The following BIRC6 variants were observed in gnomAD, a reference collection of about 807,000 sequenced individuals.
The protein encoded by BIRC6 is dual E2 ubiquitin-conjugating enzyme/E3 ubiquitin-protein ligase BIRC6.
A neutral mutation model predicts 503.3 loss-of-function variants in BIRC6; 98 were observed. The ratio of observed to expected loss-of-function variants is 0.19; its 90% CI spans 0.17 to 0.23. The LOEUF is 0.23. Ranked by LOEUF, BIRC6 falls within the 10% of genes least tolerant of loss-of-function variation. The pLI is 1.00. For synonymous variants in BIRC6, 2,240 were observed against 2,078.7 expected (o/e 1.08, Z -2.11); for missense variants, 5,360 against 5,806.0 (o/e 0.92, Z 2.50).
At chr2:32,476,648 C>A (rs374469709) in intron 34 of BIRC6, among the ~76,000 whole-genome samples, 85 of 152,140 alleles carry the variant, frequency 5.6e-4, no homozygotes, top group African/African-American at 1.6e-3. Context: ...TTTTACAATA[C>A]AAAATTATAC....
chr2:32,415,989 C>T lies in BIRC6; in HGVS notation c.2698C>T (p.Leu900Phe), dbSNP rs765506476. ...EREKTSDIST[L>F]GHLVITTQGG... ...AGAAAAAACGTCTGACATTTCTACT[C>T]TTGGACACCTGGTAATAACCACTCA... Residue 900 changes from leucine (L) to phenylalanine (F), a missense_variant, in exon 10 of 74, where the codon CTT becomes TTT. Around this residue, in one of 16 missense-constraint regions of BIRC6, gnomAD observed 700 missense variants for 739.3 expected, o/e 0.95. Coordinates refer to ENST00000421745, the MANE Select transcript of BIRC6 (RefSeq NM_016252.4). 4 of 1,613,906 alleles carry T rather than the reference C, an allele frequency of 2.5e-6. No homozygotes were observed. The East Asian group carries it at 6.7e-5, about 27-fold the overall frequency.
chr2:32,560,296 A>C (rs983727263), intron 65 of BIRC6, among the ~76,000 whole-genome samples: 1 of 152,106 alleles, frequency 6.6e-6, no homozygotes, highest in African/African-American at 2.4e-5. Context: ...ATAAACACAC[A>C]ATTTTATCTC....
At chr2:32,445,495 A>G in intron 20 of BIRC6, 26 bp from the exon 21 acceptor site, 1 of 1,519,000 alleles carries the variant, frequency 6.6e-7, no homozygotes, top group Non-Finnish European at 8.9e-7. Flanking sequence ...AAAAAGAAAC[A>G]TTTATTTTGT....
intron 1 of BIRC6, among the ~76,000 whole-genome samples, chr2:32,368,725 C>G (rs2035333803): frequency 6.6e-6 from 1 of 152,070 alleles, no homozygotes; most frequent in South Asian, 2.1e-4. Flanking sequence ...GATCTCAGCT[C>G]ACTTCAACGT....
At chr2:32,584,808 G>C (rs1359099124) in intron 66 of BIRC6, among the ~76,000 whole-genome samples, 3 of 152,100 alleles carry the variant, frequency 2.0e-5, no homozygotes, top group African/African-American at 7.2e-5. Flanking sequence ...AAAAAACTTA[G>C]TATTCACCCA....
At chr2:32,553,268 A>G (rs2058560562) in intron 65 of BIRC6, among the ~76,000 whole-genome samples, 1 of 64,482 alleles carries the variant, frequency 1.6e-5, no homozygotes, top group Non-Finnish European at 2.9e-5. Flanking sequence ...TTTTGAATTT[A>G]CTGTTTCTAG....
intron 65 of BIRC6, among the ~76,000 whole-genome samples, chr2:32,567,584 A>G (rs1196410528): frequency 1.3e-5 from 2 of 152,238 alleles, no homozygotes; most frequent in South Asian, 2.1e-4. Flanking sequence ...TTCAGGAAGT[A>G]TCATGGGATA....
intron 26 of BIRC6, 86 bp from the exon 27 acceptor site, chr2:32,467,439 T>C: frequency 9.4e-7 from 1 of 1,066,054 alleles, no homozygotes; most frequent in East Asian, 2.4e-5. Context: ...TTTCATATTT[T>C]AAGATGAGTG....
chr2:32,442,143 T>C lies in BIRC6; in HGVS notation c.4023T>C (p.Asp1341=). The C allele has an allele frequency of 1.2e-6, 2 of 1,610,632 alleles. No homozygotes were observed. The highest frequency in any genetic ancestry group is 8.5e-7 in the Non-Finnish European group (1 of 1,178,994). The change falls in exon 18 of 74, where the codon GAT becomes GAC. Residue 1341 remains aspartate, a synonymous_variant. Coordinates refer to ENST00000421745, the MANE Select transcript of BIRC6 (RefSeq NM_016252.4). ...LLNTLCRKTD[D]GQITEHAQSL... ...ATACTCTTTGCAGAAAAACAGATGATGGCCAGATCACAGAACATGCCCAGA... is the reference window on the plus strand; with the variant it reads ...ATACTCTTTGCAGAAAAACAGATGACGGCCAGATCACAGAACATGCCCAGA...
At chr2:32,548,365 C>CT (rs1202755440) in intron 64 of BIRC6, among the ~76,000 whole-genome samples, 3,413 of 73,352 alleles carry the variant, frequency 0.047, 292 homozygotes, top group Admixed American at 0.089. Flanking sequence ...TGGTTGCTTA[C>CT]TTTTTTTTTT....
chr2:32,417,678 C>G (rs141717925), intron 10 of BIRC6, among the ~76,000 whole-genome samples: 89 of 152,306 alleles, frequency 5.8e-4, no homozygotes, highest in African/African-American at 2.0e-3. Flanking sequence ...ACTGTTTTTC[C>G]TCTCTTTAAA....
At chr2:32,534,784 T>C (rs1203549327) in intron 61 of BIRC6, among the ~76,000 whole-genome samples, 2 of 118,368 alleles carry the variant, frequency 1.7e-5, no homozygotes, top group East Asian at 4.8e-4. Context: ...GCATAGAAAG[T>C]GTAAGGAATG....
At chr2:32,377,834 A>G in intron 2 of BIRC6, 65 bp downstream of exon 2, 1 of 1,373,516 alleles carries the variant, frequency 7.3e-7, no homozygotes, top group Non-Finnish European at 9.8e-7. Context: ...TTAGATGTTA[A>G]ATGAAATTAA....
chr2:32,478,930 C>A, intron 36 of BIRC6, 112 bp downstream of exon 36: 1 of 1,011,066 alleles, frequency 9.9e-7, no homozygotes, highest in Non-Finnish European at 1.5e-6. Context: ...CCCCTAAAAG[C>A]ATAAAGGTCT....
At chr2:32,397,309 A>G (rs2040008372) in intron 6 of BIRC6, among the ~76,000 whole-genome samples, 1 of 151,920 alleles carries the variant, frequency 6.6e-6, no homozygotes, top group Non-Finnish European at 1.5e-5. Flanking sequence ...CGTCTCTGCT[A>G]AAGATACAAT....
intron 25 of BIRC6, 72 bp downstream of exon 25, chr2:32,464,895 G>A: frequency 6.6e-7 from 1 of 1,513,268 alleles, no homozygotes; most frequent in Non-Finnish European, 8.9e-7. Context: ...AACTTTAGAA[G>A]GCAAAATTTT....
Position 32,471,281 on chromosome 2 carries a change from A to G in BIRC6, c.6592+157A>G, listed in dbSNP as rs1001283918. 2.1e-5 allele frequency: 11 copies of G among 526,790 alleles called. No homozygotes were observed. The South Asian group carries it at 2.5e-4, about 12-fold the overall frequency. 32.6% of individuals were successfully genotyped at this position (526,790 alleles called of 1,614,324 possible). A position where few individuals can be genotyped will look rare whatever the true frequency, so the allele number is the denominator to read the frequency against. On this transcript the variant is annotated intron_variant, in intron 32 of 73. Transcript: ENST00000421745. ...GAAAATACAAATGAACTTCACTACA[A>G]TTCTGTTTAAAGATAACATTTATAC...
chr2:32,450,609 C>A (rs1484255686), intron 22 of BIRC6, among the ~76,000 whole-genome samples: 1 of 152,126 alleles, frequency 6.6e-6, no homozygotes, highest in African/African-American at 2.4e-5. Flanking sequence ...ATACTTATAT[C>A]TTTCTTATCA....
chr2:32,504,029 G>GTGTGT (rs2053507560), intron 49 of BIRC6, among the ~76,000 whole-genome samples: 2 of 77,498 alleles, frequency 2.6e-5, no homozygotes, highest in Non-Finnish European at 2.5e-5. Flanking sequence ...GGGGTGGGGG[G>GTGTGT]GTGTTTGTGT....
Sources: allele counts gnomAD v4.1 joint callset (sites outside exome capture counted in the v4.1 genomes callset), GRCh38; gene constraint gnomAD v4.1.1; regional missense constraint gnomAD v4.1.1; transcripts MANE v1.5; gene names NCBI Gene and HGNC (gene_info 2026-07-23, HGNC 2026-07-21).